CLASP1: variants seen among roughly 807,000 people sequenced by gnomAD.
CLASP1 encodes cytoplasmic linker associated protein 1, also known as CLIP-associating protein 1.
CLASP1 carries 38 observed loss-of-function variants against 192.3 expected under a neutral mutation model. The ratio of observed to expected loss-of-function variants is 0.20; its 90% CI spans 0.15 to 0.26. CLASP1 has a LOEUF of 0.26. CLASP1 is among the 10% of genes least tolerant of loss of function. The pLI is 1.00. For synonymous variants in CLASP1, 691 were observed against 712.8 expected (o/e 0.97, Z 0.49); for missense variants, 1,433 against 1,932.5 (o/e 0.74, Z 4.85).
intron 37 of CLASP1, among the ~76,000 whole-genome samples, chr2:121,352,512 C>T (rs370910974): frequency 4.6e-5 from 7 of 152,148 alleles, no homozygotes; most frequent in Non-Finnish European, 8.8e-5. Context: ...TTTTTTACCC[C>T]GACAAAGGCA....
chr2:121,455,479 C>T (rs2086437578), intron 14 of CLASP1, among the ~76,000 whole-genome samples: 1 of 152,080 alleles, frequency 6.6e-6, no homozygotes, highest in East Asian at 1.9e-4. Context: ...TTAACAACAA[C>T]AAAATAAATC....
intron 2 of CLASP1, chr2:121,532,631 A>T (rs2094925036): frequency 6.6e-6 from 1 of 152,222 alleles, no homozygotes; most frequent in African/African-American, 2.4e-5. Flanking sequence ...CATCAAAAAC[A>T]AGAACTCTGA....
intron 1 of CLASP1, among the ~76,000 whole-genome samples, chr2:121,610,316 T>TGGAGGAGGAGGAGTTATA (rs1553659205): frequency 8.8e-6 from 1 of 113,662 alleles, no homozygotes; most frequent in Non-Finnish European, 1.8e-5. Context: ...GAAGAGGAAC[T>TGGAGGAGGAGGAGTTATA]GGAGGAGGAG....
At position 121,545,463 on chromosome 2, in the gene CLASP1, A is replaced by C. The variant is rs72830811; in HGVS notation, c.196-15138T>G. Among the ~76,000 whole-genome samples the C allele has an allele frequency of 1.9e-3, 289 of 152,240 alleles. 1 individual carries two copies. Among genetic ancestry groups the C allele is most frequent in the Non-Finnish European group, 3.3e-3 (222 of 68,010 alleles). ...TAGCAGGTATGGCACATGACAACTC[A>C]AGGTTATTCTAAAGTCTCCCTGACT... On this transcript the variant is annotated intron_variant, in intron 2 of 39. Transcript: ENST00000263710.
chr2:121,483,253 T>C (rs2092724632), intron 8 of CLASP1, among the ~76,000 whole-genome samples: 1 of 152,158 alleles, frequency 6.6e-6, no homozygotes, highest in South Asian at 2.1e-4. Flanking sequence ...TCTCTGGCCA[T>C]GAATTTCTAG....
chr2:121,412,991 G>C (rs1006157116), intron 23 of CLASP1, among the ~76,000 whole-genome samples: 4 of 152,122 alleles, frequency 2.6e-5, no homozygotes, highest in Non-Finnish European at 5.9e-5. Context: ...GGGCACGGCG[G>C]CTTTGCCTGT....
chr2:121,387,674 C>T, intron 31 of CLASP1, 89 bp downstream of exon 32: 1 of 1,282,674 alleles, frequency 7.8e-7, no homozygotes, highest in Non-Finnish European at 1.1e-6. Context: ...GACAAGGAAA[C>T]GGGGTATTCT....
At chr2:121,610,020 CAAAT>C (rs1226420917) in intron 1 of CLASP1, among the ~76,000 whole-genome samples, 1 of 138,664 alleles carries the variant, frequency 7.2e-6, no homozygotes, top group Non-Finnish European at 1.5e-5. Flanking sequence ...GCTATCAAAA[CAAAT>C]AAATATGTGT....
At chr2:121,541,601 C>T (rs2095235090) in intron 2 of CLASP1, among the ~76,000 whole-genome samples, 1 of 152,076 alleles carries the variant, frequency 6.6e-6, no homozygotes, top group Non-Finnish European at 1.5e-5. Flanking sequence ...CCTTCTCTGC[C>T]AATATCGGAT....
chr2:121,606,386 A>G (rs1338698392), intron 1 of CLASP1, among the ~76,000 whole-genome samples: 3 of 152,232 alleles, frequency 2.0e-5, no homozygotes, highest in Non-Finnish European at 4.4e-5. Flanking sequence ...CCCAAAGAAG[A>G]GCCAATGAGC....
intron 24 of CLASP1, among the ~76,000 whole-genome samples, chr2:121,409,772 C>T (rs1300744326): frequency 1.3e-5 from 2 of 152,150 alleles, no homozygotes. Context: ...AATTCTGTTC[C>T]AGCTCTTGAC....
intron 37 of CLASP1, among the ~76,000 whole-genome samples, chr2:121,358,483 G>A (rs139970521): frequency 1.6e-3 from 241 of 152,274 alleles, no homozygotes; most frequent in African/African-American, 5.5e-3. Context: ...GAGCGCAGGG[G>A]GTCTGGCTGA....
chr2:121,510,315 G>C (rs1004926692), intron 7 of CLASP1, among the ~76,000 whole-genome samples: 1 of 152,308 alleles, frequency 6.6e-6, no homozygotes, highest in Middle Eastern at 3.4e-3. Context: ...CTGACCAGAA[G>C]AGCAAAGGCT....
chr2:121,594,697 C>T (rs1444961089), intron 2 of CLASP1, among the ~76,000 whole-genome samples: 1 of 152,020 alleles, frequency 6.6e-6, no homozygotes, highest in African/African-American at 2.4e-5. Flanking sequence ...GGCCAGTAGT[C>T]CATCAATCTT....
chr2:121,357,974 C>T (rs1419513414), intron 37 of CLASP1, among the ~76,000 whole-genome samples: 1 of 152,212 alleles, frequency 6.6e-6, no homozygotes, highest in Non-Finnish European at 1.5e-5. Flanking sequence ...CACTCCTAAA[C>T]TCCTGGTGTA....
intron 13 of CLASP1, 93 bp from the exon 14 acceptor site, chr2:121,457,850 G>A (rs1469568362): frequency 1.2e-6 from 1 of 814,658 alleles, no homozygotes; most frequent in Non-Finnish European, 2.1e-6. Context: ...CCTACTTATA[G>A]CACATATATA....
intron 23 of CLASP1, among the ~76,000 whole-genome samples, chr2:121,416,592 T>A (rs2078623045): frequency 6.6e-6 from 1 of 152,138 alleles, no homozygotes. Context: ...CTGGGATATA[T>A]CTTTGAGTTC....
At chr2:121,636,023 GA>G (rs2070763637) in intron 1 of CLASP1, among the ~76,000 whole-genome samples, 1 of 152,054 alleles carries the variant, frequency 6.6e-6, no homozygotes, top group African/African-American at 2.4e-5. Context: ...GCATTATTAT[GA>G]GACCTTGTTT....
intron 1 of CLASP1, among the ~76,000 whole-genome samples, chr2:121,620,308 G>C (rs895184490): frequency 6.6e-5 from 10 of 152,088 alleles, no homozygotes; most frequent in East Asian, 1.9e-4. Context: ...AATCAAAGTG[G>C]CATCTAATTG....
Sources: allele counts gnomAD v4.1 joint callset (sites outside exome capture counted in the v4.1 genomes callset), GRCh38; gene constraint gnomAD v4.1.1; transcripts MANE v1.5; gene names NCBI Gene and HGNC (gene_info 2026-07-23, HGNC 2026-07-21).